The following CWH43 variants were observed in gnomAD, a reference collection of about 807,000 sequenced individuals.
CWH43 encodes PGAP2-interacting protein.
CWH43 carries 91 observed loss-of-function variants against 85.7 expected under a neutral mutation model. The ratio of observed to expected loss-of-function variants is 1.06; its 90% CI spans 0.90 to 1.26. The LOEUF is 1.26. Ranked by LOEUF, CWH43 falls within the 50% of genes most tolerant of loss-of-function variation. The probability of loss-of-function intolerance (pLI) is 0.00; values close to 1 mark genes in which losing one functional copy is unlikely to be tolerated. For missense variants in CWH43, 869 were observed against 839.2 expected, an observed-to-expected ratio of 1.04 and a Z score of -0.44; for synonymous variants, 323 against 293.6, an observed-to-expected ratio of 1.10 and a Z score of -1.02.
intron 13 of CWH43, among the ~76,000 whole-genome samples, chr4:49,039,398 C>T (rs1195106846): frequency 2.1e-5 from 2 of 93,138 alleles, no homozygotes; most frequent in Admixed American, 1.3e-4. Context: ...TATATACACA[C>T]TGATATATAT....
At chr4:49,047,013 C>T (rs1457157717) in intron 14 of CWH43, among the ~76,000 whole-genome samples, 1 of 152,162 alleles carries the variant, frequency 6.6e-6, no homozygotes, top group Non-Finnish European at 1.5e-5. Flanking sequence ...GAGCCTTAGT[C>T]TTTTCTCCAT....
At chr4:49,041,439 C>G (rs1274317588) in intron 13 of CWH43, among the ~76,000 whole-genome samples, 1 of 152,168 alleles carries the variant, frequency 6.6e-6, no homozygotes, top group Non-Finnish European at 1.5e-5. Context: ...GTTTGTAGTT[C>G]TCCTTGAAGA....
At chr4:49,059,786 T>G (rs1443333445) in intron 15 of CWH43, among the ~76,000 whole-genome samples, 1 of 151,858 alleles carries the variant, frequency 6.6e-6, no homozygotes, top group Non-Finnish European at 1.5e-5. Flanking sequence ...CTGGAGCCTG[T>G]GTCAATAGGG....
chr4:49,009,787 T>C (rs1783293326), intron 8 of CWH43, among the ~76,000 whole-genome samples: 1 of 152,220 alleles, frequency 6.6e-6, no homozygotes, highest in South Asian at 2.1e-4. Flanking sequence ...TTTATTGGCT[T>C]GCATATGTTG....
intron 12 of CWH43, among the ~76,000 whole-genome samples, chr4:49,032,928 A>G (rs1784146343): frequency 6.6e-6 from 1 of 152,106 alleles, no homozygotes; most frequent in Non-Finnish European, 1.5e-5. Flanking sequence ...GTTAGTCTGC[A>G]TTTACTGAGC....
At chr4:49,060,282 C>T (rs1396084493) in intron 15 of CWH43, among the ~76,000 whole-genome samples, 1 of 151,938 alleles carries the variant, frequency 6.6e-6, no homozygotes, top group South Asian at 2.1e-4. Context: ...GACCACAGGG[C>T]TGGCCTGGAG....
At position 49,050,714 on chromosome 4, in the gene CWH43, C is replaced by T; in HGVS notation, c.1886C>T (p.Ser629Phe). ...GLIRLGYARI[S>F]HAELSDSEIQ... The stretch of plus-strand genomic sequence containing the variant: ...TACAGGTTGGGTTATGCAAGAATCT[C>T]CCATGCTGAACTGAGTGATTCAGAA... Residue 629 changes from serine to phenylalanine, a missense_variant, in exon 15 of 16, where the codon TCC becomes TTC. This residue lies in a region of CWH43 where 577 missense variants were observed against 513.1 expected (regional missense o/e 1.12). Transcript: ENST00000226432. 6.2e-7 allele frequency: 1 copy of T among 1,612,322 alleles called. No homozygotes were observed. Among genetic ancestry groups the T allele is most frequent in the Non-Finnish European group, 8.5e-7 (1 of 1,179,110 alleles).
intron 9 of CWH43, among the ~76,000 whole-genome samples, chr4:49,017,538 C>A (rs1783592904): frequency 6.6e-6 from 1 of 152,154 alleles, no homozygotes; most frequent in South Asian, 2.1e-4. Flanking sequence ...ACACTAGAGG[C>A]AAATTGTTGA....
At chr4:49,010,287 A>G (rs1432209510) in intron 8 of CWH43, among the ~76,000 whole-genome samples, 1 of 152,102 alleles carries the variant, frequency 6.6e-6, no homozygotes, top group African/African-American at 2.4e-5. Context: ...GTATTCTCTG[A>G]TGGTAGTTTG....
intron 1 of CWH43, among the ~76,000 whole-genome samples, chr4:48,987,580 T>C (rs914735894): frequency 6.6e-6 from 1 of 152,184 alleles, no homozygotes; most frequent in East Asian, 1.9e-4. Flanking sequence ...TTTGCATTTA[T>C]AAGAGGGGAG....
chr4:49,049,540 ACAACAACAACAG>A (rs1784732704), intron 14 of CWH43, among the ~76,000 whole-genome samples: 1 of 151,980 alleles, frequency 6.6e-6, no homozygotes, highest in Non-Finnish European at 1.5e-5. Flanking sequence ...AACAGCAACA[ACAACAACAACAG>A]CAACAACAAC....
intron 2 of CWH43, among the ~76,000 whole-genome samples, chr4:48,989,401 G>A (rs1477217046): frequency 6.6e-6 from 1 of 152,150 alleles, no homozygotes; most frequent in Non-Finnish European, 1.5e-5. Context: ...CAACCTCTAT[G>A]AAGAACAATT....
chr4:49,037,388 G>A (rs1784292398), intron 12 of CWH43, among the ~76,000 whole-genome samples: 1 of 152,180 alleles, frequency 6.6e-6, no homozygotes, highest in African/African-American at 2.4e-5. Flanking sequence ...TGCCCAACAT[G>A]CAAAATGCTG....
intron 15 of CWH43, among the ~76,000 whole-genome samples, chr4:49,056,379 C>T (rs1455099949): frequency 1.3e-5 from 2 of 152,048 alleles, no homozygotes; most frequent in African/African-American, 4.8e-5. Context: ...TTTTGAATTT[C>T]TTCATGAGTC....
chr4:49,004,593 T>C (rs991927072), intron 7 of CWH43, among the ~76,000 whole-genome samples: 1 of 152,170 alleles, frequency 6.6e-6, no homozygotes, highest in African/African-American at 2.4e-5. Flanking sequence ...TCTTGCTATG[T>C]TGCACAGGCT....
At chr4:49,021,537 C>CT (rs1213378629) in intron 9 of CWH43, among the ~76,000 whole-genome samples, 5 of 152,042 alleles carry the variant, frequency 3.3e-5, no homozygotes, top group Middle Eastern at 3.4e-3. Context: ...TATGCAGACT[C>CT]TTTTTTTGTT....
chr4:49,055,691 G>A (rs1312297618), intron 15 of CWH43, among the ~76,000 whole-genome samples: 3 of 151,738 alleles, frequency 2.0e-5, no homozygotes, highest in Non-Finnish European at 4.4e-5. Flanking sequence ...CCAGGTTGAA[G>A]CAATTCTCCT....
chr4:48,988,278 G>A (rs1560482331), intron 1 of CWH43, among the ~76,000 whole-genome samples, 199 bp from the exon 2 acceptor site: 2 of 152,178 alleles, frequency 1.3e-5, no homozygotes, highest in Non-Finnish European at 2.9e-5. Context: ...CACAGTCAGT[G>A]CAGTGAGTTC....
At chr4:49,050,880 T>A (rs755474448) in intron 15 of CWH43, 31 bp downstream of exon 15, 1 of 1,538,248 alleles carries the variant, frequency 6.5e-7, no homozygotes, top group Non-Finnish European at 8.9e-7. Context: ...GTTCCAGTTA[T>A]GAGCTACTGC....
Sources: allele counts gnomAD v4.1 joint callset (sites outside exome capture counted in the v4.1 genomes callset), GRCh38; gene constraint gnomAD v4.1.1; regional missense constraint gnomAD v4.1.1; transcripts MANE v1.5; gene names NCBI Gene and HGNC (gene_info 2026-07-23, HGNC 2026-07-21).